The following MCF2L2 variants were observed in gnomAD, a reference collection of about 807,000 sequenced individuals.
MCF2L2 encodes the protein probable guanine nucleotide exchange factor MCF2L2.
In MCF2L2, 102 loss-of-function variants were observed where a neutral mutation model predicts 150.2. The observed-to-expected ratio is 0.68, with a 90% confidence interval of 0.58 to 0.80. The LOEUF (loss-of-function observed/expected upper bound fraction) is 0.80. Ranked by LOEUF, MCF2L2 falls within the 30% of genes least tolerant of loss-of-function variation. The pLI is 0.00. For missense variants in MCF2L2, 1,256 were observed against 1,372.8 expected, an observed-to-expected ratio of 0.91 and a Z score of 1.34; for synonymous variants, 465 against 491.3, an observed-to-expected ratio of 0.95 and a Z score of 0.71.
At chr3:183,288,481 CTTTT>C (rs535192977) in intron 14 of MCF2L2, among the ~76,000 whole-genome samples, 5 of 135,208 alleles carry the variant, frequency 3.7e-5, no homozygotes, top group African/African-American at 2.7e-5. Context: ...TTGTCATGCT[CTTTT>C]TTTTTTTTTT....
Position 183,418,827 on chromosome 3 carries a change from G to A in MCF2L2, c.76+9075C>T, listed in dbSNP as rs190275929. Among the ~76,000 whole-genome samples the A allele has an allele frequency of 7.0e-3, 1,069 of 152,334 alleles. 27 individuals are homozygous for A. Among genetic ancestry groups the A allele is most frequent in the Admixed American group, 3.3e-3 (50 of 15,308 alleles). On this transcript the variant is annotated intron_variant, in intron 1 of 29. Transcript: ENST00000328913. The stretch of plus-strand genomic sequence containing the variant: ...ACTGCAGCTGCTTTCACAGGCTGGC[G>A]TTGAATGCCTGCAGCTTTTCTGGGC...
chr3:183,355,199 A>G (rs903015816), intron 3 of MCF2L2, among the ~76,000 whole-genome samples: 2 of 152,046 alleles, frequency 1.3e-5, no homozygotes, highest in African/African-American at 4.8e-5. Flanking sequence ...ATGTTTGAAA[A>G]TGAAAAAAAC....
intron 15 of MCF2L2, among the ~76,000 whole-genome samples, chr3:183,242,070 C>A (rs1469506837): frequency 6.6e-6 from 1 of 152,178 alleles, no homozygotes; most frequent in Admixed American, 6.5e-5. Flanking sequence ...GAAGACACTT[C>A]TAAGCAGCAA....
Position 183,305,665 on chromosome 3 carries a change from A to G in MCF2L2, c.1113+4051T>C, listed in dbSNP as rs771659980. Among the ~76,000 whole-genome samples the G allele has an allele frequency of 2.6e-5, 4 of 152,210 alleles. No homozygotes were observed. Among genetic ancestry groups the G allele is most frequent in the Admixed American group, 6.5e-5 (1 of 15,284 alleles). On this transcript the variant is annotated intron_variant, in intron 10 of 29. Coordinates refer to ENST00000328913, the MANE Select transcript of MCF2L2 (RefSeq NM_015078.4). This position sits in a 1 kb window ranked among gnomAD's most constrained non-coding sequence, Gnocchi z 4.1. ...GGAGTTAGAGACCAGCCTGACCAAC[A>G]TGGTGAAACCCCATCTCTACTAAAA...
chr3:183,396,057 C>A (rs568900479), intron 1 of MCF2L2, among the ~76,000 whole-genome samples: 31 of 151,750 alleles, frequency 2.0e-4, no homozygotes, highest in African/African-American at 7.3e-4. Context: ...ACACCCTCCC[C>A]CCATGAACAT....
intron 15 of MCF2L2, among the ~76,000 whole-genome samples, chr3:183,248,180 T>C (rs1221203910): frequency 6.6e-6 from 1 of 152,216 alleles, no homozygotes; most frequent in Non-Finnish European, 1.5e-5. Flanking sequence ...GATGTTGCTC[T>C]CTCTTCCTAG....
chr3:183,254,210 C>T (rs1281439384), intron 15 of MCF2L2: 1 of 152,012 alleles, frequency 6.6e-6, no homozygotes, highest in African/African-American at 2.4e-5. Context: ...GGCCCTCGCC[C>T]GGCGGGTGGC....
intron 15 of MCF2L2, chr3:183,231,237 G>T (rs1461136851): frequency 4.6e-6 from 3 of 647,620 alleles, no homozygotes; most frequent in East Asian, 3.1e-5. Context: ...AAACAGCAAG[G>T]TTAGAGAACT....
chr3:183,367,984 A>T (rs1712640289), intron 3 of MCF2L2, among the ~76,000 whole-genome samples: 1 of 152,254 alleles, frequency 6.6e-6, no homozygotes, highest in African/African-American at 2.4e-5. Context: ...GTGGAACAGC[A>T]CTGAGCCAGG....
chr3:183,338,649 T>C, intron 5 of MCF2L2, 151 bp downstream of exon 5: 1 of 626,638 alleles, frequency 1.6e-6, no homozygotes, highest in Non-Finnish European at 2.4e-6. Context: ...ACTTCCTGCC[T>C]CTATGCCTTC....
chr3:183,376,190 A>T (rs1713177300), intron 3 of MCF2L2: 1 of 152,236 alleles, frequency 6.6e-6, no homozygotes, highest in African/African-American at 2.4e-5. Context: ...TGATCTCCTC[A>T]TCTCCATCTG....
At chr3:183,211,462 T>G (rs2108651686) in intron 22 of MCF2L2, among the ~76,000 whole-genome samples, 1 of 152,352 alleles carries the variant, frequency 6.6e-6, no homozygotes, top group South Asian at 2.1e-4. Context: ...ATGACGGTAT[T>G]GCCCATCTCC....
chr3:183,327,398 G>T (rs998844510), intron 5 of MCF2L2, among the ~76,000 whole-genome samples: 2 of 152,116 alleles, frequency 1.3e-5, no homozygotes, highest in Non-Finnish European at 2.9e-5. Context: ...CAAAGAAAGG[G>T]TTCTCACACT....
At chr3:183,342,973 G>A (rs971245526) in intron 3 of MCF2L2, among the ~76,000 whole-genome samples, 1 of 152,060 alleles carries the variant, frequency 6.6e-6, no homozygotes, top group Non-Finnish European at 1.5e-5. Flanking sequence ...TGGGTTAATC[G>A]ATTCTCACAG....
chr3:183,254,196 C>G (rs1271577646), intron 15 of MCF2L2: 1 of 151,948 alleles, frequency 6.6e-6, no homozygotes, highest in African/African-American at 2.4e-5. Context: ...GGTGAGGGCA[C>G]GCCGGCCCTC....
intron 15 of MCF2L2, chr3:183,273,199 G>GAT (rs948134269): frequency 6.5e-6 from 3 of 463,556 alleles, no homozygotes. Flanking sequence ...TTGAATAGAA[G>GAT]ATGGTTATAC....
chr3:183,274,958 T>C (rs144016544), intron 15 of MCF2L2, among the ~76,000 whole-genome samples: 1 of 151,274 alleles, frequency 6.6e-6, no homozygotes, highest in Non-Finnish European at 1.5e-5. Context: ...TCATTCCCTA[T>C]AGCTTGGTTT....
At chr3:183,398,477 C>T (rs1577123476) in intron 1 of MCF2L2, among the ~76,000 whole-genome samples, 1 of 151,628 alleles carries the variant, frequency 6.6e-6, no homozygotes, top group Non-Finnish European at 1.5e-5. Context: ...CAGCAGCTGG[C>T]GCTACTCTAA....
intron 15 of MCF2L2, chr3:183,269,925 A>G (rs1485950181): frequency 1.2e-6 from 2 of 1,614,160 alleles, no homozygotes; most frequent in African/African-American, 2.7e-5. Flanking sequence ...TGTGAGCCAT[A>G]TGAAGTCATA....
Sources: allele counts gnomAD v4.1 joint callset (sites outside exome capture counted in the v4.1 genomes callset), GRCh38; gene constraint gnomAD v4.1.1; non-coding constraint Gnocchi (gnomAD v3.1); transcripts MANE v1.5; gene names NCBI Gene and HGNC (gene_info 2026-07-23, HGNC 2026-07-21).